Variants in DLGAP2 observed in about 807,000 individuals in gnomAD.
DLGAP2 encodes the protein DLG associated protein 2, also known as disks large-associated protein 2.
In DLGAP2, 26 loss-of-function variants were observed where a neutral mutation model predicts 100.3. That is an observed-to-expected ratio of 0.26 (90% confidence interval 0.19 to 0.36). The LOEUF is 0.36. Among genes scored for constraint, DLGAP2 ranks in the 10% least tolerant of loss-of-function variants. DLGAP2 has a pLI of 1.00. For missense variants in DLGAP2, 1,858 were observed against 1,453.2 expected (o/e 1.28, Z -4.53); for synonymous variants, 886 against 630.1 (o/e 1.41, Z -6.08).
intron 2 of DLGAP2, among the ~76,000 whole-genome samples, chr8:1,162,457 G>C (rs905007359): frequency 3.3e-5 from 5 of 152,164 alleles, no homozygotes; most frequent in African/African-American, 9.6e-5. Flanking sequence ...TCGTGGAAGA[G>C]AAATATGCAA....
intron 3 of DLGAP2, among the ~76,000 whole-genome samples, chr8:1,420,176 G>C (rs545938764): frequency 5.9e-5 from 9 of 152,284 alleles, no homozygotes; most frequent in Admixed American, 2.0e-4. Flanking sequence ...CCTGAGGACT[G>C]CCTTATCCTG....
At chr8:1,028,149 C>T (rs1168989552) in intron 2 of DLGAP2, among the ~76,000 whole-genome samples, 1 of 141,598 alleles carries the variant, frequency 7.1e-6, no homozygotes, top group Admixed American at 6.9e-5. Context: ...CCGTTATTCT[C>T]CAGGTGGGGT....
chr8:1,510,408 C>A (rs1800120031), intron 4 of DLGAP2, among the ~76,000 whole-genome samples: 1 of 152,200 alleles, frequency 6.6e-6, no homozygotes. Flanking sequence ...GTTGCATCCT[C>A]TGAAGAGCTG....
At chr8:881,787 G>T (rs1271780986) in intron 1 of DLGAP2, among the ~76,000 whole-genome samples, 1 of 151,642 alleles carries the variant, frequency 6.6e-6, no homozygotes, top group Non-Finnish European at 1.5e-5. Flanking sequence ...AAAATGCTGG[G>T]ATTACAGGTG....
chr8:1,455,733 T>C (rs551682055), intron 3 of DLGAP2, among the ~76,000 whole-genome samples: 4 of 152,174 alleles, frequency 2.6e-5, no homozygotes, highest in Non-Finnish European at 5.9e-5. Context: ...AAGCGTCGCA[T>C]CCTCCAGAGG....
At chr8:1,587,875 A>G (rs945343187) in intron 6 of DLGAP2, among the ~76,000 whole-genome samples, 25 of 152,294 alleles carry the variant, frequency 1.6e-4, no homozygotes, top group African/African-American at 6.0e-4. Flanking sequence ...TTAACTTTCC[A>G]AAACAGTTAA....
chr8:1,392,221 G>A (rs185230117), intron 3 of DLGAP2, among the ~76,000 whole-genome samples: 34 of 152,258 alleles, frequency 2.2e-4, no homozygotes, highest in Middle Eastern at 3.4e-3. Context: ...TGGACGGGGC[G>A]GCCTTGAAGT....
At chr8:1,451,295 G>A (rs997765579) in intron 3 of DLGAP2, among the ~76,000 whole-genome samples, 1 of 152,096 alleles carries the variant, frequency 6.6e-6, no homozygotes, top group African/African-American at 2.4e-5. Context: ...TGACTCCCCA[G>A]ACTCAGTCCC....
intron 3 of DLGAP2, among the ~76,000 whole-genome samples, chr8:1,377,122 C>T (rs1405587871): frequency 2.0e-5 from 3 of 152,194 alleles, no homozygotes; most frequent in Non-Finnish European, 2.9e-5. Flanking sequence ...TGCGTCCCAG[C>T]GAGAGGAAGT....
chr8:990,251 G>A (rs1800620295), intron 2 of DLGAP2, among the ~76,000 whole-genome samples: 1 of 151,960 alleles, frequency 6.6e-6, no homozygotes. Context: ...CCATGTGGGT[G>A]CCCAAGTCCT....
intron 3 of DLGAP2, among the ~76,000 whole-genome samples, chr8:1,452,260 C>T (rs1352750093): frequency 1.3e-5 from 2 of 152,102 alleles, no homozygotes; most frequent in Non-Finnish European, 2.9e-5. Flanking sequence ...GCCATGTGTT[C>T]TGTGGCTGGG....
chr8:1,299,604 A>G (rs1225468275), intron 3 of DLGAP2, among the ~76,000 whole-genome samples: 1 of 152,176 alleles, frequency 6.6e-6, no homozygotes, highest in Non-Finnish European at 1.5e-5. Context: ...TCCTGCTGGG[A>G]TATTCATTTT....
Position 1,498,379 on chromosome 8 carries a change from TAAAA to T in DLGAP2, c.107-2977_107-2974del, listed in dbSNP as rs55865222. ...CTATTTCAAGATACGGCAAAATAAA[TAAAA>T]AAAAAAAAATTACACATTCGGGATG... On this transcript the variant is annotated intron_variant, in intron 3 of 14. Coordinates refer to ENST00000637795, the MANE Select transcript of DLGAP2 (RefSeq NM_001346810.2). 8.3e-3 allele frequency among the ~76,000 whole-genome samples: 1,231 copies of T among 148,960 alleles called. 11 individuals carry two copies. The highest frequency in any genetic ancestry group is 0.03 in the African/African-American group (1,192 of 40,184).
chr8:851,861 G>GC (rs1461862796), intron 1 of DLGAP2, among the ~76,000 whole-genome samples: 1 of 148,886 alleles, frequency 6.7e-6, no homozygotes, highest in African/African-American at 2.4e-5. Flanking sequence ...AGCTGCAGGG[G>GC]GCCCCCGCTG....
intron 2 of DLGAP2, among the ~76,000 whole-genome samples, chr8:1,099,503 G>T (rs768827109): frequency 6.6e-6 from 1 of 152,250 alleles, no homozygotes; most frequent in East Asian, 1.9e-4. Context: ...GGAGTTTCTG[G>T]TCTGTGCTAC....
At chr8:849,216 C>A (rs1386862240) in intron 1 of DLGAP2, among the ~76,000 whole-genome samples, 1 of 151,936 alleles carries the variant, frequency 6.6e-6, no homozygotes, top group African/African-American at 2.4e-5. Flanking sequence ...AGTATAGGAA[C>A]ACGTGGTGTG....
chr8:971,521 C>T (rs1473668472), intron 2 of DLGAP2, among the ~76,000 whole-genome samples: 3 of 152,216 alleles, frequency 2.0e-5, no homozygotes, highest in Non-Finnish European at 4.4e-5. Flanking sequence ...CCACTGGGAG[C>T]ACTGAAACCA....
chr8:1,408,599 C>G (rs1482890190), intron 3 of DLGAP2, among the ~76,000 whole-genome samples: 1 of 152,236 alleles, frequency 6.6e-6, no homozygotes, highest in Non-Finnish European at 1.5e-5. Flanking sequence ...ACTGGAGTTT[C>G]TAAGCCTGTT....
At position 1,549,368 on chromosome 8, in the gene DLGAP2, C is replaced by T. The variant is rs1477420395; in HGVS notation, c.915C>T (p.Ser305=). Residue 305 remains serine (S), a synonymous_variant, in exon 5 of 15, where the codon AGC becomes AGT. Transcript: ENST00000637795. ...GGAGCTCGGACGACAACCTGGACAG[C>T]GACAGCACCTATCGGACGCCCAGCG... ...SWWSSDDNLD[S]DSTYRTPSVL... is the part of the protein sequence containing the mutation. 1.9e-6 allele frequency: 3 copies of T among 1,613,324 alleles called. No individual in the cohort carries two copies. Among genetic ancestry groups the T allele is most frequent in the Middle Eastern group, 1.6e-4 (1 of 6,084 alleles).
Sources: gnomAD v4.1 joint callset for allele counts (sites outside exome capture counted in the v4.1 genomes callset) on GRCh38, gnomAD v4.1.1 for gene constraint, MANE v1.5 for transcripts, NCBI Gene and HGNC (gene_info 2026-07-23, HGNC 2026-07-21) for gene names.